Variants in YWHAQ observed in about 807,000 individuals in gnomAD.
YWHAQ encodes the protein tyrosine 3-monooxygenase/tryptophan 5-monooxygenase activation protein theta, also known as 14-3-3 protein theta.
Under a neutral mutation model 28.3 loss-of-function variants are expected in YWHAQ, and 6 were observed. The ratio of observed to expected loss-of-function variants is 0.21; its 90% CI spans 0.12 to 0.42. The LOEUF is 0.42. Ranked by LOEUF, YWHAQ falls within the 10% of genes least tolerant of loss-of-function variation. The pLI is 1.00. For missense variants in YWHAQ, 201 were observed against 305.6 expected (o/e 0.66, Z 2.55); for synonymous variants, 143 against 119.1 (o/e 1.20, Z -1.31).
intron 2 of YWHAQ, among the ~76,000 whole-genome samples, chr2:9,600,270 C>T (rs557528679): frequency 3.9e-5 from 6 of 152,288 alleles, no homozygotes; most frequent in Middle Eastern, 3.4e-3. Flanking sequence ...CCATTAACAC[C>T]GTTGAAATGA....
chr2:9,610,563 C>T (rs1042609274), intron 2 of YWHAQ, among the ~76,000 whole-genome samples: 1 of 152,130 alleles, frequency 6.6e-6, no homozygotes, highest in Non-Finnish European at 1.5e-5. Flanking sequence ...GGCTGGAGTG[C>T]AACGGCGCAA....
intron 2 of YWHAQ, among the ~76,000 whole-genome samples, chr2:9,626,676 C>T (rs962152327): frequency 6.6e-5 from 10 of 152,238 alleles, no homozygotes; most frequent in African/African-American, 9.7e-5. Flanking sequence ...GGTGATCCAC[C>T]AGCCTTGGCC....
chr2:9,602,865 ATATATATATATATATAT>A (rs1666741675), intron 2 of YWHAQ, among the ~76,000 whole-genome samples: 2 of 10,466 alleles, frequency 1.9e-4, no homozygotes, highest in Admixed American at 1.1e-3. Context: ...AAAAAAAAAT[ATATATATATATATATAT>A]ATATATATAT....
At chr2:9,597,985 A>ATT (rs547582835) in intron 2 of YWHAQ, among the ~76,000 whole-genome samples, 10,170 of 62,296 alleles carry the variant, frequency 0.16, 1,672 homozygotes, top group Non-Finnish European at 0.21. Context: ...ATGCCGGGCT[A>ATT]TTTTTTTTTT....
At chr2:9,590,003 C>T (rs945232389) in intron 3 of YWHAQ, among the ~76,000 whole-genome samples, 7 of 152,150 alleles carry the variant, frequency 4.6e-5, no homozygotes, top group Non-Finnish European at 1.0e-4. Context: ...GATCTAATCC[C>T]TGACTGGTAC....
intron 2 of YWHAQ, 128 bp from the exon 3 acceptor site, chr2:9,591,643 G>A: frequency 8.4e-7 from 1 of 1,191,152 alleles, no homozygotes; most frequent in Non-Finnish European, 1.1e-6. Flanking sequence ...TACCATACCA[G>A]CCTGGACTTG....
intron 2 of YWHAQ, among the ~76,000 whole-genome samples, chr2:9,594,904 G>A (rs1666538772): frequency 6.6e-6 from 1 of 152,184 alleles, no homozygotes; most frequent in Admixed American, 6.5e-5. Context: ...TGTGGACAAA[G>A]GGCCTTCCAA....
intron 2 of YWHAQ, among the ~76,000 whole-genome samples, chr2:9,602,332 T>C (rs992802380): frequency 2.0e-5 from 3 of 152,126 alleles, no homozygotes; most frequent in Middle Eastern, 3.4e-3. Context: ...GGAGGGTTGT[T>C]TGTACCCAGA....
intron 2 of YWHAQ, among the ~76,000 whole-genome samples, chr2:9,624,434 G>C (rs1002471758): frequency 6.6e-6 from 1 of 152,036 alleles, no homozygotes; most frequent in Non-Finnish European, 1.5e-5. Context: ...GAAGCCAAAG[G>C]ACAGCATGAC....
chr2:9,622,091 G>A (rs567519428), intron 2 of YWHAQ, among the ~76,000 whole-genome samples: 1 of 152,004 alleles, frequency 6.6e-6, no homozygotes, highest in Admixed American at 6.6e-5. Flanking sequence ...TGTAGATGAC[G>A]GGCTGATGGG....
At chr2:9,586,105 G>T (rs1380153067) in intron 5 of YWHAQ, among the ~76,000 whole-genome samples, 1 of 152,150 alleles carries the variant, frequency 6.6e-6, no homozygotes, top group East Asian at 1.9e-4. Context: ...ATTTTCAAGT[G>T]TGTGAAGGGC....
chr2:9,627,198 T>C (rs1054452752), intron 2 of YWHAQ, among the ~76,000 whole-genome samples: 2 of 152,158 alleles, frequency 1.3e-5, no homozygotes, highest in African/African-American at 4.8e-5. Flanking sequence ...GAATACATGG[T>C]TTAAGTAATT....
At chr2:9,602,846 AAAAAAAAAAAAAAAAAATAT>A (rs1273882132) in intron 2 of YWHAQ, among the ~76,000 whole-genome samples, 25 of 41,726 alleles carry the variant, frequency 6.0e-4, no homozygotes, top group African/African-American at 8.1e-4. Context: ...AAAAAAAAAA[AAAAAAAAAAAAAAAAAATAT>A]ATATATATAT....
At chr2:9,586,938 G>A (rs1666354210) in intron 5 of YWHAQ, among the ~76,000 whole-genome samples, 1 of 152,126 alleles carries the variant, frequency 6.6e-6, no homozygotes, top group Non-Finnish European at 1.5e-5. Flanking sequence ...CAAAACAGAA[G>A]CTTTTGCCTA....
intron 2 of YWHAQ, among the ~76,000 whole-genome samples, chr2:9,593,602 G>A (rs1473092253): frequency 1.4e-5 from 2 of 144,642 alleles, no homozygotes; most frequent in East Asian, 3.9e-4. Flanking sequence ...AGAGGCAAGA[G>A]GATTGCCTGA....
At chr2:9,620,180 A>G (rs896351192) in intron 2 of YWHAQ, among the ~76,000 whole-genome samples, 8 of 152,208 alleles carry the variant, frequency 5.3e-5, no homozygotes, top group African/African-American at 1.9e-4. Context: ...TGGTCTCACC[A>G]CTTGCACCAT....
rs1053638282 is a variant in YWHAQ at position 9,630,832 on chromosome 2, C to A, written c.-83+109G>T. The A allele has an allele frequency of 2.6e-5, 4 of 152,322 alleles. No homozygotes were observed. Among genetic ancestry groups the A allele is most frequent in the African/African-American group, 9.7e-5 (4 of 41,406 alleles). 9.4% of individuals were successfully genotyped at this position (152,322 alleles called of 1,614,324 possible). The stretch of plus-strand genomic sequence containing the variant: ...CCGCACCTTCCCGCCCGGAGCCGTC[C>A]CTGAGGGGAGCGGCATCGACAACCG... On this transcript the variant is annotated intron_variant, in intron 1 of 5. Transcript: ENST00000238081. This position sits in a 1 kb window ranked among gnomAD's most constrained non-coding sequence, Gnocchi z 5.6.
intron 2 of YWHAQ, among the ~76,000 whole-genome samples, chr2:9,598,233 C>T (rs915628665): frequency 2.0e-5 from 3 of 152,116 alleles, no homozygotes; most frequent in South Asian, 4.1e-4. Flanking sequence ...AAAGCCTAAT[C>T]AGATCCTTAC....
intron 2 of YWHAQ, chr2:9,628,568 ATATGCTGTAAGAG>A (rs1381203804): frequency 6.6e-6 from 1 of 152,268 alleles, no homozygotes; most frequent in East Asian, 1.9e-4. Context: ...CAGAAATGAA[ATATGCTGTAAGAG>A]TATCCAAAAT....
Sources: gnomAD v4.1 joint callset for allele counts (sites outside exome capture counted in the v4.1 genomes callset) on GRCh38, gnomAD v4.1.1 for gene constraint, Gnocchi (gnomAD v3.1) non-coding constraint, MANE v1.5 for transcripts, NCBI Gene and HGNC (gene_info 2026-07-23, HGNC 2026-07-21) for gene names.